The following MARCHF1 variants were observed in gnomAD, a reference collection of about 807,000 sequenced individuals.
The protein encoded by MARCHF1 is membrane associated ring-CH-type finger 1.
Under a neutral mutation model 54.2 loss-of-function variants are expected in MARCHF1, and 40 were observed. That is an observed-to-expected ratio of 0.74 (90% confidence interval 0.57 to 0.96). The LOEUF is 0.96. Among genes scored for constraint, MARCHF1 ranks in the 40% least tolerant of loss-of-function variants. The probability of loss-of-function intolerance (pLI) is 0.00; values close to 1 mark genes in which losing one functional copy is unlikely to be tolerated. For synonymous variants in MARCHF1, 236 were observed against 236.3 expected, an observed-to-expected ratio of 1.00 and a Z score of 0.01; for missense variants, 586 against 656.5, an observed-to-expected ratio of 0.89 and a Z score of 1.17.
intron 2 of MARCHF1, among the ~76,000 whole-genome samples, chr4:164,030,549 A>G (rs1753856449): frequency 6.6e-6 from 1 of 152,228 alleles, no homozygotes; most frequent in African/African-American, 2.4e-5. Flanking sequence ...CACTGTAACC[A>G]TAAATGACAT....
chr4:163,535,143 T>A (rs1341311842), intron 9 of MARCHF1, among the ~76,000 whole-genome samples: 1 of 152,102 alleles, frequency 6.6e-6, no homozygotes, highest in East Asian at 1.9e-4. Flanking sequence ...GAAACATACG[T>A]TCCACACTTT....
At chr4:164,294,827 G>T (rs907263925) in intron 1 of MARCHF1, among the ~76,000 whole-genome samples, 4 of 152,118 alleles carry the variant, frequency 2.6e-5, no homozygotes, top group African/African-American at 7.2e-5. Flanking sequence ...GCAATATATT[G>T]TAATCTATTT....
At chr4:164,314,591 A>G (rs1734949876) in intron 1 of MARCHF1, among the ~76,000 whole-genome samples, 1 of 152,202 alleles carries the variant, frequency 6.6e-6, no homozygotes, top group African/African-American at 2.4e-5. Flanking sequence ...AAAAATCCAA[A>G]CTCAACCAAA....
At chr4:163,707,887 G>T (rs1406477228) in intron 4 of MARCHF1, among the ~76,000 whole-genome samples, 1 of 151,026 alleles carries the variant, frequency 6.6e-6, no homozygotes, top group Non-Finnish European at 1.5e-5. Flanking sequence ...CTTCTGTTCT[G>T]GGCTGGAACT....
chr4:163,572,702 C>T (rs1463769248), intron 8 of MARCHF1, among the ~76,000 whole-genome samples: 1 of 152,012 alleles, frequency 6.6e-6, no homozygotes, highest in Non-Finnish European at 1.5e-5. Flanking sequence ...ATAGGTAAAC[C>T]TGTTTTTACT....
chr4:164,327,810 G>T (rs140505374), intron 1 of MARCHF1, among the ~76,000 whole-genome samples: 29 of 152,314 alleles, frequency 1.9e-4, no homozygotes, highest in African/African-American at 6.7e-4. Flanking sequence ...TAACTTTCCA[G>T]CTCGTGTAGT....
intron 1 of MARCHF1, among the ~76,000 whole-genome samples, chr4:164,215,448 T>C (rs1021287135): frequency 6.6e-6 from 1 of 151,808 alleles, no homozygotes; most frequent in African/African-American, 2.4e-5. Flanking sequence ...AGGATGGGGG[T>C]GTGACAGGCC....
chr4:164,127,082 G>C (rs1029106311), intron 1 of MARCHF1, among the ~76,000 whole-genome samples: 4 of 113,454 alleles, frequency 3.5e-5, no homozygotes, highest in East Asian at 5.8e-4. Context: ...ACAAAACAAA[G>C]AGGAATATGT....
chr4:164,299,372 A>T (rs1032062643), intron 1 of MARCHF1, among the ~76,000 whole-genome samples: 5 of 152,156 alleles, frequency 3.3e-5, no homozygotes, highest in African/African-American at 1.2e-4. Flanking sequence ...GAAATCTTAG[A>T]ATTACTGTAA....
At chr4:164,236,475 T>C (rs967303678) in intron 1 of MARCHF1, among the ~76,000 whole-genome samples, 1 of 152,050 alleles carries the variant, frequency 6.6e-6, no homozygotes, top group Non-Finnish European at 1.5e-5. Context: ...GATGGGGCCA[T>C]TTTAAACAGT....
At chr4:164,011,424 C>CA (rs1753418176) in intron 2 of MARCHF1, among the ~76,000 whole-genome samples, 1 of 152,006 alleles carries the variant, frequency 6.6e-6, no homozygotes, top group Non-Finnish European at 1.5e-5. Flanking sequence ...ACTCAACAGA[C>CA]AAAAAAGTAA....
chr4:163,833,005 G>C (rs940957317), intron 4 of MARCHF1, among the ~76,000 whole-genome samples: 1 of 151,954 alleles, frequency 6.6e-6, no homozygotes, highest in Non-Finnish European at 1.5e-5. Flanking sequence ...GGATATTTGG[G>C]TTGGTTCCAA....
chr4:163,968,341 A>T (rs930999566), intron 3 of MARCHF1, among the ~76,000 whole-genome samples: 2 of 152,158 alleles, frequency 1.3e-5, no homozygotes, highest in African/African-American at 4.8e-5. Flanking sequence ...GGCAAAATAC[A>T]TAAATAAAAT....
chr4:163,722,474 T>G (rs1439255424), intron 4 of MARCHF1, among the ~76,000 whole-genome samples: 1 of 152,196 alleles, frequency 6.6e-6, no homozygotes, highest in Non-Finnish European at 1.5e-5. Context: ...TTGGAATAAG[T>G]GCGATGTGGT....
intron 5 of MARCHF1, among the ~76,000 whole-genome samples, chr4:163,634,629 C>A (rs1278081037): frequency 6.6e-6 from 1 of 152,134 alleles, no homozygotes; most frequent in East Asian, 1.9e-4. Context: ...GAGACTTAGA[C>A]TCCTACACAT....
chr4:163,794,874 A>G (rs914820410), intron 4 of MARCHF1, among the ~76,000 whole-genome samples: 1 of 152,192 alleles, frequency 6.6e-6, no homozygotes, highest in African/African-American at 2.4e-5. Flanking sequence ...GATTAAAAAT[A>G]ATAAAACAAA....
chr4:164,212,223 G>T (rs1171678456), intron 1 of MARCHF1, among the ~76,000 whole-genome samples: 2 of 152,076 alleles, frequency 1.3e-5, no homozygotes, highest in African/African-American at 2.4e-5. Flanking sequence ...CTGTCCTAAG[G>T]ATTACACAAA....
intron 4 of MARCHF1, among the ~76,000 whole-genome samples, chr4:163,844,182 G>A (rs908646894): frequency 6.6e-6 from 1 of 152,014 alleles, no homozygotes; most frequent in Non-Finnish European, 1.5e-5. Context: ...ACGTCCCTGT[G>A]TTCTCATCAT....
At chr4:163,752,497 T>G (rs1261570078) in intron 4 of MARCHF1, among the ~76,000 whole-genome samples, 1 of 152,214 alleles carries the variant, frequency 6.6e-6, no homozygotes, top group Non-Finnish European at 1.5e-5. Flanking sequence ...TAGCCTCAGT[T>G]TCTTTGTTTT....
Sources: gnomAD v4.1 joint callset for allele counts (sites outside exome capture counted in the v4.1 genomes callset) on GRCh38, gnomAD v4.1.1 for gene constraint, MANE v1.5 for transcripts, NCBI Gene and HGNC (gene_info 2026-07-23, HGNC 2026-07-21) for gene names.